The following CDH7 variants were observed in gnomAD, a reference collection of about 807,000 sequenced individuals.
CDH7 encodes the protein cadherin-7.
Under a neutral mutation model 71.8 loss-of-function variants are expected in CDH7, and 25 were observed. The ratio of observed to expected loss-of-function variants is 0.35; its 90% confidence interval spans 0.25 to 0.49. The LOEUF (loss-of-function observed/expected upper bound fraction) is 0.49. Ranked by LOEUF, CDH7 falls within the 20% of genes least tolerant of loss-of-function variation. The pLI, the probability that CDH7 is intolerant of heterozygous loss-of-function variation, is 0.99. For missense variants in CDH7, 862 were observed against 974.6 expected, an observed-to-expected ratio of 0.88 and a Z score of 1.54; for synonymous variants, 381 against 363.8, an observed-to-expected ratio of 1.05 and a Z score of -0.54.
intron 11 of CDH7, among the ~76,000 whole-genome samples, chr18:65,869,979 A>G (rs72944091): frequency 6.6e-6 from 1 of 152,148 alleles, no homozygotes; most frequent in Non-Finnish European, 1.5e-5. Flanking sequence ...GATTTGGTCT[A>G]TCTCCTTAAC....
chr18:65,853,930 T>TATATCC (rs1555689513), intron 7 of CDH7, among the ~76,000 whole-genome samples: 42 of 97,670 alleles, frequency 4.3e-4, no homozygotes, highest in African/African-American at 1.6e-3. Flanking sequence ...TATATATATA[T>TATATCC]ATATATATAT....
At chr18:65,789,281 T>C (rs1910621464) in intron 2 of CDH7, among the ~76,000 whole-genome samples, 1 of 152,092 alleles carries the variant, frequency 6.6e-6, no homozygotes, top group Non-Finnish European at 1.5e-5. Flanking sequence ...CCTAAATAAA[T>C]GGGACTAGAG....
Position 65,880,556 on chromosome 18 carries a change from C to T in CDH7, c.2020C>T (p.Leu674Phe). The change falls in exon 12 of 12, where the codon CTC becomes TTC. Residue 674 changes from leucine to phenylalanine, a missense_variant. Transcript: ENST00000397968. ...GTTTGACATGGCTGCACTGAGAAAC[C>T]TCAACGTCATCCGAGACACCAAGAC... ...EAFDMAALRN[L>F]NVIRDTKTRR... The T allele has an allele frequency of 6.2e-7, 1 of 1,613,830 alleles. No individual in the cohort carries two copies. The highest frequency in any genetic ancestry group is 1.1e-5 in the South Asian group (1 of 91,036).
chr18:65,879,043 G>GAAAGC (rs1367478011), intron 11 of CDH7, among the ~76,000 whole-genome samples: 1 of 152,140 alleles, frequency 6.6e-6, no homozygotes, highest in Admixed American at 6.5e-5. Flanking sequence ...AGACATTTAA[G>GAAAGC]AAAGCATGTA....
intron 1 of CDH7, among the ~76,000 whole-genome samples, chr18:65,752,695 T>C (rs939693155): frequency 6.6e-6 from 1 of 152,174 alleles, no homozygotes; most frequent in Non-Finnish European, 1.5e-5. Context: ...TCTGTGTTAG[T>C]GTTTAATATG....
intron 7 of CDH7, among the ~76,000 whole-genome samples, chr18:65,856,292 A>G (rs914342403): frequency 2.0e-5 from 3 of 152,196 alleles, no homozygotes; most frequent in Non-Finnish European, 2.9e-5. Context: ...TTATGGTTTG[A>G]TGTCACTAAA....
At chr18:65,814,765 C>G (rs1911665587) in intron 4 of CDH7, among the ~76,000 whole-genome samples, 161 bp downstream of exon 4, 1 of 142,550 alleles carries the variant, frequency 7.0e-6, no homozygotes, top group Non-Finnish European at 1.6e-5. Context: ...GATTTATCAC[C>G]TTTTAAAAAT....
chr18:65,752,971 A>G (rs538595599), intron 1 of CDH7, among the ~76,000 whole-genome samples: 1 of 152,330 alleles, frequency 6.6e-6, no homozygotes, highest in East Asian at 1.9e-4. Context: ...TCTTAAGTCT[A>G]CTTTTATTGA....
At chr18:65,871,261 T>C (rs1263551259) in intron 11 of CDH7, among the ~76,000 whole-genome samples, 1 of 152,202 alleles carries the variant, frequency 6.6e-6, no homozygotes, top group African/African-American at 2.4e-5. Flanking sequence ...TATCGCCTAC[T>C]GTGGGTAGCA....
At chr18:65,875,289 C>A (rs1284950290) in intron 11 of CDH7, among the ~76,000 whole-genome samples, 1 of 152,062 alleles carries the variant, frequency 6.6e-6, no homozygotes, top group East Asian at 1.9e-4. Flanking sequence ...ATTGTAGAGA[C>A]CAGTAATTTC....
At chr18:65,813,879 G>A (rs75203859) in intron 3 of CDH7, among the ~76,000 whole-genome samples, 2,441 of 152,204 alleles carry the variant, frequency 0.016, 54 homozygotes, top group African/African-American at 0.055. Flanking sequence ...CCTCTTTTAC[G>A]AGGGGTTTGG....
At chr18:65,875,415 T>C (rs1006909571) in intron 11 of CDH7, among the ~76,000 whole-genome samples, 1 of 152,208 alleles carries the variant, frequency 6.6e-6, no homozygotes, top group African/African-American at 2.4e-5. Flanking sequence ...TCCAGTTTAC[T>C]GTGCAGATGG....
rs1195085544 is a variant in CDH7, at chr18:65,762,537, C to A, written c.-196-110C>A. 3 of 174,556 alleles carry A rather than the reference C, an allele frequency of 1.7e-5. No homozygotes were observed. In the East Asian group the frequency reaches 4.3e-4, roughly 25 times the overall value. The allele number at this position is 174,556 out of a possible 1,614,324, so 10.8% of individuals were successfully genotyped here. ...ACACAAATTATGATATTTGTATAATCTTGGAAATTTGTATAGTCTTAAGAA... is the reference window on the plus strand; with the variant it reads ...ACACAAATTATGATATTTGTATAATATTGGAAATTTGTATAGTCTTAAGAA... On this transcript the variant is annotated intron_variant, in intron 1 of 11. Coordinates refer to ENST00000397968, the MANE Select transcript of CDH7 (RefSeq NM_004361.5).
chr18:65,869,244 A>T (rs78870704), intron 11 of CDH7, among the ~76,000 whole-genome samples: 1,694 of 150,052 alleles, frequency 0.011, 12 homozygotes, highest in Non-Finnish European at 0.019. Flanking sequence ...TTCCTCCTGA[A>T]TTGTGGCAAC....
chr18:65,792,185 C>CTTT (rs71167149), intron 2 of CDH7, among the ~76,000 whole-genome samples: 24 of 104,094 alleles, frequency 2.3e-4, no homozygotes, highest in Admixed American at 3.2e-4. Context: ...TGCAGCCAGT[C>CTTT]TTTTTTTTTT....
intron 2 of CDH7, among the ~76,000 whole-genome samples, chr18:65,807,975 G>A (rs1911386252): frequency 6.6e-6 from 1 of 152,136 alleles, no homozygotes; most frequent in South Asian, 2.1e-4. Context: ...TCTCGTTATA[G>A]GGAGTGGGGA....
intron 2 of CDH7, among the ~76,000 whole-genome samples, chr18:65,806,159 A>G (rs1316635303): frequency 6.6e-6 from 1 of 151,930 alleles, no homozygotes; most frequent in Non-Finnish European, 1.5e-5. Context: ...TATTTCTTAC[A>G]TATTAATACA....
intron 2 of CDH7, among the ~76,000 whole-genome samples, chr18:65,781,769 TCCTTCCTTCCTTCCTTC>T (rs1568181247): frequency 6.3e-5 from 5 of 78,794 alleles, no homozygotes; most frequent in African/African-American, 2.6e-4. Context: ...TTTCTTTCTT[TCCTTCCTTCCTTCCTTC>T]CTTCCTTCCT....
intron 2 of CDH7, among the ~76,000 whole-genome samples, chr18:65,797,037 T>G (rs1910941901): frequency 6.6e-6 from 1 of 152,182 alleles, no homozygotes; most frequent in Non-Finnish European, 1.5e-5. Flanking sequence ...GTGTTACTGA[T>G]TCTTCCTTGC....
Sources: gnomAD v4.1 joint callset for allele counts (sites outside exome capture counted in the v4.1 genomes callset) on GRCh38, gnomAD v4.1.1 for gene constraint, MANE v1.5 for transcripts, NCBI Gene and HGNC (gene_info 2026-07-23, HGNC 2026-07-21) for gene names.